GLTP: variants seen among roughly 807,000 people sequenced by gnomAD.
GLTP encodes the protein glycolipid transfer protein.
In GLTP, 22 loss-of-function variants were observed where a neutral mutation model predicts 24.0. The observed-to-expected ratio is 0.92, with a 90% CI of 0.65 to 1.31. The LOEUF is 1.31. Among genes scored for constraint, GLTP ranks in the 50% most tolerant of loss-of-function variants. The probability of loss-of-function intolerance (pLI) is 0.00; values close to 1 mark genes in which losing one functional copy is unlikely to be tolerated. For synonymous variants in GLTP, 92 were observed against 115.9 expected, an observed-to-expected ratio of 0.79 and a Z score of 1.33; for missense variants, 224 against 276.6, an observed-to-expected ratio of 0.81 and a Z score of 1.35.
intron 1 of GLTP, among the ~76,000 whole-genome samples, chr12:109,861,837 A>G (rs1160240524): frequency 6.6e-6 from 1 of 152,178 alleles, no homozygotes; most frequent in African/African-American, 2.4e-5. Flanking sequence ...TTATGACCTC[A>G]TATCATTACT....
rs910928028 is a variant in GLTP, at chr12:109,868,541, A to G, written c.104-9800T>C. Among the ~76,000 whole-genome samples the G allele has an allele frequency of 3.3e-5, 5 of 152,076 alleles. No homozygotes were observed. In the South Asian group the frequency reaches 1.0e-3, roughly 32 times the overall value. On this transcript the variant is annotated intron_variant, in intron 1 of 4. Coordinates refer to ENST00000318348, the MANE Select transcript of GLTP (RefSeq NM_016433.4). ...TTCATCTCAAGAACAATGTTCAGGG[A>G]AAAAAAAGGACTCTTAAAGATGCAC...
intron 1 of GLTP, among the ~76,000 whole-genome samples, chr12:109,874,417 G>A (rs543708645): frequency 7.9e-5 from 12 of 152,232 alleles, no homozygotes; most frequent in East Asian, 3.9e-4. Context: ...AATGCGTGCC[G>A]GATACCTAGA....
chr12:109,871,111 G>T lies in GLTP; in HGVS notation c.103+9161C>A, dbSNP rs568365727. Among the ~76,000 whole-genome samples the T allele has an allele frequency of 2.0e-4, 26 of 131,720 alleles. No homozygotes were observed. The Admixed American group carries it at 2.2e-3, about 11-fold the overall frequency. The allele number at this position is 131,720 out of a possible 152,430, so 86.4% of individuals were successfully genotyped here. ...TTTTTTTTTTTTTTTTTTCTGAGAC[G>T]GACTCTCGCTCTGTCCCAGGCTGGA... On this transcript the variant is annotated intron_variant, in intron 1 of 4. Coordinates refer to ENST00000318348, the MANE Select transcript of GLTP (RefSeq NM_016433.4).
At position 109,857,567 on chromosome 12, in the gene GLTP, C is replaced by T. The variant is rs867525569; in HGVS notation, c.255G>A (p.Trp85Ter). 6 of 1,614,022 alleles carry T rather than the reference C, an allele frequency of 3.7e-6. No individual in the cohort carries two copies. The highest frequency in any genetic ancestry group is 5.1e-6 in the Non-Finnish European group (6 of 1,180,004). The change falls in exon 3 of 5, where the codon TGG becomes TGA. Residue 85 changes from tryptophan to a stop codon, truncating the protein, a stop_gained. Transcript: ENST00000318348. LOFTEE classifies it high-confidence loss of function. The surrounding 1 kb of genome is among the most constrained non-coding windows in gnomAD (Gnocchi z 4.3). ...EVEKEMYGAE[W>*]PKVGATLALM... ...GCGCCAGTGTGGCCCCTACTTTGGG[C>T]CACTCTGCTCCATACATTTCTTTCT...
chr12:109,868,550 G>T (rs1358028009), intron 1 of GLTP, among the ~76,000 whole-genome samples: 1 of 152,158 alleles, frequency 6.6e-6, no homozygotes, highest in Non-Finnish European at 1.5e-5. Context: ...GAAAAAAAAG[G>T]ACTCTTAAAG....
intron 1 of GLTP, among the ~76,000 whole-genome samples, chr12:109,868,677 A>G (rs963437193): frequency 6.6e-6 from 1 of 152,232 alleles, no homozygotes; most frequent in Non-Finnish European, 1.5e-5. Flanking sequence ...TGATGCTACA[A>G]GCCTGGTGTG....
chr12:109,858,872 T>C (rs1045443303), intron 1 of GLTP, 131 bp from the exon 2 acceptor site: 1 of 687,200 alleles, frequency 1.5e-6, no homozygotes, highest in Non-Finnish European at 2.7e-6. Flanking sequence ...GTTCTGGATG[T>C]TACTAAGGCA....
At chr12:109,856,619 C>T (rs1277357639) in intron 3 of GLTP, among the ~76,000 whole-genome samples, 1 of 152,180 alleles carries the variant, frequency 6.6e-6, no homozygotes, top group African/African-American at 2.4e-5. Context: ...AGCTGCTCTG[C>T]TCCCTCCCTG....
chr12:109,865,856 C>T (rs998457078), intron 1 of GLTP, among the ~76,000 whole-genome samples: 3 of 152,188 alleles, frequency 2.0e-5, no homozygotes, highest in Non-Finnish European at 2.9e-5. Context: ...AGCTGGCAAA[C>T]GGCCCCTTCT....
intron 1 of GLTP, among the ~76,000 whole-genome samples, chr12:109,878,749 C>A (rs1215246329): frequency 6.6e-6 from 1 of 152,210 alleles, no homozygotes; most frequent in Admixed American, 6.5e-5. Flanking sequence ...GTGCATTCAG[C>A]AGTATTGACT....
intron 1 of GLTP, among the ~76,000 whole-genome samples, chr12:109,877,693 C>G (rs1868931701): frequency 6.6e-6 from 1 of 152,258 alleles, no homozygotes; most frequent in African/African-American, 2.4e-5. Context: ...TGTCCCTCAC[C>G]CCAGAGCAGC....
chr12:109,858,037 G>A, intron 2 of GLTP: 1 of 437,920 alleles, frequency 2.3e-6, no homozygotes, highest in South Asian at 1.7e-5. Context: ...TGCTTTGGTG[G>A]ACAAGTGGAA....
At chr12:109,868,377 A>G (rs148589698) in intron 1 of GLTP, among the ~76,000 whole-genome samples, 503 of 152,320 alleles carry the variant, frequency 3.3e-3, no homozygotes, top group Middle Eastern at 0.017. Context: ...TAGCAAGACC[A>G]CAGCATATAC....
chr12:109,865,392 C>T (rs898899571), intron 1 of GLTP, among the ~76,000 whole-genome samples: 2 of 151,930 alleles, frequency 1.3e-5, no homozygotes, highest in Non-Finnish European at 2.9e-5. Flanking sequence ...TTTGGGAGGC[C>T]GAGGCGGGCG....
chr12:109,868,067 G>A lies in GLTP; in HGVS notation c.104-9326C>T, dbSNP rs144644546. ...GCTGGGATTACAGGCGTGAGCCACC[G>A]CGCCTGGCCTCACTGCAGCTTTGAC... On this transcript the variant is annotated intron_variant, in intron 1 of 4. Coordinates refer to ENST00000318348, the MANE Select transcript of GLTP (RefSeq NM_016433.4). 7.0e-3 allele frequency among the ~76,000 whole-genome samples: 1,065 copies of A among 152,326 alleles called. 20 individuals carry two copies. The highest frequency in any genetic ancestry group is 0.024 in the African/African-American group (1,018 of 41,570).
At chr12:109,859,694 G>A (rs907030575) in intron 1 of GLTP, 1 of 152,348 alleles carries the variant, frequency 6.6e-6, no homozygotes, top group African/African-American at 2.4e-5. Context: ...GCTGTACAAT[G>A]TGTTTTTTTT....
rs1892790049 is a variant in GLTP, at chr12:109,855,890, G to A, written c.297-121C>T. The A allele has an allele frequency of 2.9e-6, 2 of 694,180 alleles. No homozygotes were observed. The highest frequency in any genetic ancestry group is 2.6e-5 in the South Asian group (1 of 38,242). The allele number at this position is 694,180 out of a possible 1,614,324, so 43.0% of individuals were successfully genotyped here. On this transcript the variant is annotated intron_variant, in intron 3 of 4. Coordinates refer to ENST00000318348, the MANE Select transcript of GLTP (RefSeq NM_016433.4). This position sits in a 1 kb window ranked among gnomAD's most constrained non-coding sequence, Gnocchi z 4.1. ...GGAACATGGGCGCCCCAGAGGGAGT[G>A]GTTATTCCCTAATCATCTTTCCCTT...
intron 1 of GLTP, among the ~76,000 whole-genome samples, chr12:109,877,584 A>T (rs752387190): frequency 3.1e-4 from 47 of 152,164 alleles, no homozygotes; most frequent in Non-Finnish European, 6.6e-4. Context: ...CAGCCCCACC[A>T]CCACAAAGAA....
intron 1 of GLTP, among the ~76,000 whole-genome samples, chr12:109,874,891 T>C (rs1565900961): frequency 6.6e-6 from 1 of 152,092 alleles, no homozygotes; most frequent in African/African-American, 2.4e-5. Context: ...TCCCGAGTAG[T>C]TGGGATTACA....
Sources: allele counts gnomAD v4.1 joint callset (sites outside exome capture counted in the v4.1 genomes callset), GRCh38; gene constraint gnomAD v4.1.1; non-coding constraint Gnocchi (gnomAD v3.1); transcripts MANE v1.5; gene names NCBI Gene and HGNC (gene_info 2026-07-23, HGNC 2026-07-21).